SEC23B: variants seen among roughly 807,000 people sequenced by gnomAD.
SEC23B encodes protein transport protein Sec23B.
SEC23B carries 77 observed loss-of-function variants against 104.3 expected under a neutral mutation model. The observed-to-expected ratio is 0.74, with a 90% CI of 0.61 to 0.89. The LOEUF (loss-of-function observed/expected upper bound fraction) is 0.89, where lower values mean the gene tolerates loss of function less well. Among genes scored for constraint, SEC23B ranks in the 40% least tolerant of loss-of-function variants. SEC23B has a pLI of 0.00. For missense variants in SEC23B, 885 were observed against 949.4 expected, an observed-to-expected ratio of 0.93 and a Z score of 0.89; for synonymous variants, 338 against 332.5, an observed-to-expected ratio of 1.02 and a Z score of -0.18.
chr20:18,520,377 A>T (rs968914575), intron 4 of SEC23B, among the ~76,000 whole-genome samples: 1 of 150,890 alleles, frequency 6.6e-6, no homozygotes, highest in African/African-American at 2.4e-5. Context: ...ATTAGGTTTT[A>T]ATGGGATAGT....
chr20:18,553,221 T>C (rs2060405148), intron 17 of SEC23B, among the ~76,000 whole-genome samples: 1 of 152,244 alleles, frequency 6.6e-6, no homozygotes, highest in Non-Finnish European at 1.5e-5. Flanking sequence ...GCGAGTGTTC[T>C]TATGAACTTC....
rs551177142 is a variant in SEC23B at position 18,540,778 on chromosome 20, C to T, written c.1405-1518C>T. Among the ~76,000 whole-genome samples, 5 of 152,256 alleles carry T rather than the reference C, an allele frequency of 3.3e-5. No homozygotes were observed. The South Asian group carries it at 1.0e-3, about 32-fold the overall frequency. On this transcript the variant is annotated intron_variant, in intron 12 of 19. Coordinates refer to ENST00000650089, the MANE Select transcript of SEC23B (RefSeq NM_006363.6). ...AGCTGAGGTGGGAGAATCTCTTGAG[C>T]CTGGGAAGCCGAGGTTGCAGTGAGC...
intron 16 of SEC23B, 99 bp from the exon 17 acceptor site, chr20:18,550,990 T>G (rs2060382237): frequency 5.1e-6 from 4 of 787,924 alleles, no homozygotes; most frequent in Admixed American, 1.7e-5. Context: ...AAATAGCCTT[T>G]GCTGTGGATA....
chr20:18,545,403 G>C (rs2060323226), intron 14 of SEC23B, among the ~76,000 whole-genome samples: 2 of 152,180 alleles, frequency 1.3e-5, no homozygotes, highest in Non-Finnish European at 2.9e-5. Flanking sequence ...TCAAGAAGAC[G>C]AGAACTGCGG....
chr20:18,542,931 A>G (rs1430004062), intron 13 of SEC23B, 88 bp from the exon 14 acceptor site: 2 of 1,534,562 alleles, frequency 1.3e-6, no homozygotes, highest in Non-Finnish European at 1.8e-6. Flanking sequence ...GAGCCACTGC[A>G]CCTAGCCTGT....
At chr20:18,542,275 T>C (rs778137964) in intron 12 of SEC23B, 21 bp from the exon 13 acceptor site, 1 of 1,607,582 alleles carries the variant, frequency 6.2e-7, no homozygotes, top group East Asian at 2.2e-5. Context: ...ACAGACAAGG[T>C]TATGGCCTCT....
chr20:18,510,728 AAG>A, intron 1 of SEC23B, 92 bp from the exon 2 acceptor site: 1 of 1,001,328 alleles, frequency 1.0e-6, no homozygotes, highest in Non-Finnish European at 1.6e-6. Context: ...ATGGGAAAAA[AAG>A]AGAAACACTG....
rs779351917 is a variant in SEC23B at position 18,548,680 on chromosome 20, C to T, written c.1815C>T (p.Tyr605=). The part of the protein sequence containing the change: ...FNNSPDESSY[Y]RHHFARQDLT... The stretch of plus-strand genomic sequence containing the variant: ...ACAGTCCTGATGAGTCGTCATATTA[C>T]AGACATCATTTTGCCCGGCAGGACC... Residue 605 remains tyrosine (Y), a synonymous_variant, in exon 16 of 20, where the codon TAC becomes TAT. Transcript: ENST00000650089. 25 of 1,613,900 alleles carry T rather than the reference C, an allele frequency of 1.5e-5. No homozygotes were observed. In the Admixed American group the frequency reaches 4.0e-4, roughly 26 times the overall value.
intron 4 of SEC23B, among the ~76,000 whole-genome samples, chr20:18,520,439 G>C (rs1266178576): frequency 6.6e-6 from 1 of 152,022 alleles, no homozygotes; most frequent in Non-Finnish European, 1.5e-5. Flanking sequence ...CATACTTGTG[G>C]GTTAAGGTTG....
At chr20:18,537,683 A>G (rs1282654298) in intron 12 of SEC23B, among the ~76,000 whole-genome samples, 2 of 152,156 alleles carry the variant, frequency 1.3e-5, no homozygotes, top group African/African-American at 2.4e-5. Context: ...ACATGTATAC[A>G]TATGTAACTA....
At chr20:18,512,769 C>T (rs781118969) in intron 3 of SEC23B, among the ~76,000 whole-genome samples, 1 of 152,226 alleles carries the variant, frequency 6.6e-6, no homozygotes, top group South Asian at 2.1e-4. Flanking sequence ...AGTAACTGTG[C>T]GGCCAGGCCT....
chr20:18,543,215 C>G, intron 14 of SEC23B, 43 bp downstream of exon 14: 12 of 1,612,786 alleles, frequency 7.4e-6, no homozygotes, highest in Non-Finnish European at 1.0e-5. Context: ...TTGGTTTCTG[C>G]TTTACTTTCG....
intron 9 of SEC23B, 83 bp downstream of exon 9, chr20:18,527,694 C>T: frequency 1.1e-6 from 1 of 913,612 alleles, no homozygotes; most frequent in Non-Finnish European, 1.8e-6. Flanking sequence ...TAGGAATGGG[C>T]AAGGCCAACT....
At chr20:18,534,157 C>T (rs369482686) in intron 11 of SEC23B, among the ~76,000 whole-genome samples, 1 of 151,396 alleles carries the variant, frequency 6.6e-6, no homozygotes, top group African/African-American at 2.4e-5. Flanking sequence ...GATTTATCAA[C>T]TTTTTTTTTG....
chr20:18,556,821 C>G lies in SEC23B; in HGVS notation c.2214+1648C>G, dbSNP rs185735986. On this transcript the variant is annotated intron_variant, in intron 19 of 19. Coordinates refer to ENST00000650089, the MANE Select transcript of SEC23B (RefSeq NM_006363.6). ...GACCAGCCTAGCCAACACGGTGAAA[C>G]CCCCGTCTCTACCAAAAATACAAAA... Among the ~76,000 whole-genome samples, 456 of 152,186 alleles carry G rather than the reference C, an allele frequency of 3.0e-3. 7 individuals carry two copies. The highest frequency in any genetic ancestry group is 9.1e-3 in the East Asian group (47 of 5,160).
chr20:18,554,174 T>C, intron 17 of SEC23B, 61 bp from the exon 18 acceptor site: 1 of 1,579,702 alleles, frequency 6.3e-7, no homozygotes, highest in African/African-American at 1.3e-5. Flanking sequence ...AGAATGTCAG[T>C]GTCAGTGAAG....
intron 12 of SEC23B, among the ~76,000 whole-genome samples, chr20:18,540,760 G>T (rs2060280358): frequency 6.6e-6 from 1 of 152,168 alleles, no homozygotes; most frequent in Non-Finnish European, 1.5e-5. Flanking sequence ...GGAAGCTGAG[G>T]TGGGAGAATC....
In SEC23B at chr20:18,524,641, C is replaced by T; in HGVS notation, c.575C>T (p.Thr192Ile). The T allele has an allele frequency of 6.2e-7, 1 of 1,613,982 alleles. No individual in the cohort carries two copies. The highest frequency in any genetic ancestry group is 1.3e-5 in the African/African-American group (1 of 75,034). Reference protein sequence around the residue: ...GISKSYVFRGTKDLTAKQIQD... With the variant: ...GISKSYVFRGIKDLTAKQIQD... ...TCCAAAAGTTATGTCTTCCGAGGGA[C>T]CAAGGATTTAACTGCAAAGCAAATA... The change falls in exon 5 of 20, where the codon ACC becomes ATC. Residue 192 changes from threonine to isoleucine, a missense_variant. Thr to Ile is a moderately conservative substitution (Grantham distance 89). Transcript: ENST00000650089.
Position 18,510,813 on chromosome 20 carries a change from T to C in SEC23B, c.-14-9T>C, listed in dbSNP as rs774972983. On this transcript the variant is annotated splice_polypyrimidine_tract_variant and intron_variant, in intron 1 of 19. Coordinates refer to ENST00000650089, the MANE Select transcript of SEC23B (RefSeq NM_006363.6). ...CATACCATTAAGGTAATTAAAGTTT[T>C]ATCTTCAGTTCCCTTTTAGACTATG... 1.9e-6 allele frequency: 3 copies of C among 1,595,176 alleles called. No individual in the cohort carries two copies. In the African/African-American group the frequency reaches 4.0e-5, roughly 21 times the overall value.
Sources: allele counts gnomAD v4.1 joint callset (sites outside exome capture counted in the v4.1 genomes callset), GRCh38; gene constraint gnomAD v4.1.1; transcripts MANE v1.5; gene names NCBI Gene and HGNC (gene_info 2026-07-23, HGNC 2026-07-21).